The following CDH11 variants were observed in gnomAD, a reference collection of about 807,000 sequenced individuals.
CDH11 encodes cadherin 11.
A neutral mutation model predicts 67.8 loss-of-function variants in CDH11; 11 were observed. The observed-to-expected ratio is 0.16, with a 90% CI of 0.10 to 0.27. CDH11 has a LOEUF of 0.27. Ranked by LOEUF, CDH11 falls within the 10% of genes least tolerant of loss-of-function variation. CDH11 has a pLI of 1.00. For synonymous variants in CDH11, 419 were observed against 400.0 expected, an observed-to-expected ratio of 1.05 and a Z score of -0.57; for missense variants, 847 against 1,031.2, an observed-to-expected ratio of 0.82 and a Z score of 2.45.
intron 2 of CDH11, among the ~76,000 whole-genome samples, chr16:65,015,699 A>G (rs1567529809): frequency 6.6e-6 from 1 of 152,208 alleles, no homozygotes; most frequent in Non-Finnish European, 1.5e-5. Context: ...GGAGAACTGA[A>G]CTAAGAATAA....
intron 2 of CDH11, among the ~76,000 whole-genome samples, chr16:65,038,145 T>G (rs1293262416): frequency 6.6e-6 from 1 of 152,040 alleles, no homozygotes; most frequent in African/African-American, 2.4e-5. Flanking sequence ...AGATCTAATT[T>G]TATCTAGGCT....
rs2071151710 is a variant in CDH11 at position 64,943,989 on chromosome 16, AG to A, written c.*3613del. 2.2e-5 allele frequency: 5 copies of A among 231,752 alleles called. No homozygotes were observed. In the South Asian group the frequency reaches 9.1e-4, roughly 42 times the overall value. The allele number at this position is 231,752 out of a possible 1,614,324, so 14.4% of individuals were successfully genotyped here. The stretch of plus-strand genomic sequence containing the variant: ...AAGGGTGACCTGCTTTCCATGGAAA[AG>A]GAACGTGTTTTTTTTTGTATCAGGA... On this transcript the variant is annotated 3_prime_UTR_variant, in exon 13 of 13. Coordinates refer to ENST00000268603, the MANE Select transcript of CDH11 (RefSeq NM_001797.4).
chr16:65,079,646 A>G (rs185159526), intron 1 of CDH11, among the ~76,000 whole-genome samples: 20 of 152,242 alleles, frequency 1.3e-4, no homozygotes, highest in Admixed American at 1.1e-3. Flanking sequence ...ACCTTTCTTG[A>G]TTCAGTTGAC....
intron 1 of CDH11, among the ~76,000 whole-genome samples, chr16:65,093,754 G>A (rs1324797434): frequency 1.3e-5 from 2 of 152,042 alleles, no homozygotes; most frequent in African/African-American, 4.8e-5. Context: ...CTAATAATCT[G>A]GAGAAGGATA....
At chr16:65,049,004 G>A (rs1013852687) in intron 2 of CDH11, among the ~76,000 whole-genome samples, 5 of 151,844 alleles carry the variant, frequency 3.3e-5, no homozygotes, top group Non-Finnish European at 7.4e-5. Context: ...CTAAACAATG[G>A]GTACACATAG....
intron 2 of CDH11, among the ~76,000 whole-genome samples, chr16:65,008,443 T>A (rs1459430493): frequency 1.3e-5 from 2 of 152,062 alleles, no homozygotes; most frequent in Non-Finnish European, 2.9e-5. Flanking sequence ...AGACATAATT[T>A]AAAAAAAAGA....
chr16:65,108,026 A>T (rs894551985), intron 1 of CDH11, among the ~76,000 whole-genome samples: 5 of 152,184 alleles, frequency 3.3e-5, no homozygotes, highest in Admixed American at 2.0e-4. Flanking sequence ...CTGACAGGTG[A>T]TCTTTCCCCA....
At chr16:64,950,008 G>A (rs576022773) in intron 12 of CDH11, among the ~76,000 whole-genome samples, 2 of 152,268 alleles carry the variant, frequency 1.3e-5, no homozygotes, top group South Asian at 4.1e-4. Context: ...CATGGCAAAA[G>A]TGTAGGTTTG....
At chr16:65,114,269 A>C (rs1356340063) in intron 1 of CDH11, among the ~76,000 whole-genome samples, 1 of 152,092 alleles carries the variant, frequency 6.6e-6, no homozygotes, top group Non-Finnish European at 1.5e-5. Context: ...TTACAAGTAA[A>C]ATTTGAGATT....
In CDH11 at chr16:64,945,900, A is replaced by AG; in HGVS notation, c.*1702dup. On this transcript the variant is annotated 3_prime_UTR_variant, in exon 13 of 13. Coordinates refer to ENST00000268603, the MANE Select transcript of CDH11 (RefSeq NM_001797.4). ...AAGAAAAAGCACGTGCCCTGTGTGT[A>AG]GGGGGAAAGAGGGAAAGCACTTGCA... The AG allele has an allele frequency of 9.5e-7, 1 of 1,057,728 alleles. No homozygotes were observed. The allele number at this position is 1,057,728 out of a possible 1,614,324, so 65.5% of individuals were successfully genotyped here.
intron 11 of CDH11, among the ~76,000 whole-genome samples, chr16:64,958,329 C>T (rs1019066114): frequency 2.6e-5 from 4 of 152,176 alleles, no homozygotes; most frequent in Admixed American, 1.3e-4. Context: ...TCTCCAACTC[C>T]TTCTAATGTT....
chr16:65,069,365 G>A (rs541614246), intron 1 of CDH11, among the ~76,000 whole-genome samples: 141 of 152,220 alleles, frequency 9.3e-4, no homozygotes, highest in African/African-American at 3.3e-3. Flanking sequence ...TCGTGAGTCA[G>A]AGTGAATGAA....
At chr16:65,098,691 G>A (rs1022421681) in intron 1 of CDH11, among the ~76,000 whole-genome samples, 9 of 152,056 alleles carry the variant, frequency 5.9e-5, no homozygotes, top group Admixed American at 3.3e-4. Flanking sequence ...AGTATCACCC[G>A]TAGCATCTCC....
intron 11 of CDH11, chr16:64,968,372 A>G (rs554153244): frequency 7.4e-6 from 7 of 950,808 alleles, no homozygotes; most frequent in Non-Finnish European, 8.8e-6. Context: ...CTCATCCATT[A>G]CATATTTCTT....
At chr16:65,062,877 TTCAG>T (rs2074254570) in intron 1 of CDH11, among the ~76,000 whole-genome samples, 3 of 152,198 alleles carry the variant, frequency 2.0e-5, no homozygotes, top group Non-Finnish European at 4.4e-5. Context: ...ACTGATTTTC[TTCAG>T]GCACAAATTT....
intron 1 of CDH11, among the ~76,000 whole-genome samples, chr16:65,060,364 G>A (rs2142738575): frequency 6.6e-6 from 1 of 151,716 alleles, no homozygotes; most frequent in East Asian, 1.9e-4. Context: ...TAGAGAGAGA[G>A]AGAGAGAGAC....
intron 11 of CDH11, among the ~76,000 whole-genome samples, chr16:64,954,001 A>G (rs894894415): frequency 2.0e-5 from 3 of 152,172 alleles, no homozygotes; most frequent in Non-Finnish European, 4.4e-5. Context: ...TTTAAAATCT[A>G]TTCTTCAATG....
At chr16:65,116,161 A>G (rs1466484190) in intron 1 of CDH11, among the ~76,000 whole-genome samples, 1 of 152,190 alleles carries the variant, frequency 6.6e-6, no homozygotes. Context: ...TGGGTAAAAC[A>G]TTGCCAGCAA....
intron 8 of CDH11, among the ~76,000 whole-genome samples, chr16:64,975,880 A>C (rs2072153836): frequency 6.6e-6 from 1 of 152,190 alleles, no homozygotes; most frequent in African/African-American, 2.4e-5. Context: ...TTAAAAAATT[A>C]AAAAGAAAAA....
Sources: allele counts gnomAD v4.1 joint callset (sites outside exome capture counted in the v4.1 genomes callset), GRCh38; gene constraint gnomAD v4.1.1; transcripts MANE v1.5; gene names NCBI Gene and HGNC (gene_info 2026-07-23, HGNC 2026-07-21).